The following PITRM1 variants were observed in gnomAD, a reference collection of about 807,000 sequenced individuals.
PITRM1 encodes pitrilysin metallopeptidase 1.
In PITRM1, 100 loss-of-function variants were observed where a neutral mutation model predicts 129.9. The observed-to-expected ratio is 0.77, with a 90% CI of 0.65 to 0.91. The LOEUF (loss-of-function observed/expected upper bound fraction) is 0.91. Among genes scored for constraint, PITRM1 ranks in the 40% least tolerant of loss-of-function variants. PITRM1 has a pLI of 0.00. For synonymous variants in PITRM1, 591 were observed against 508.8 expected (o/e 1.16, Z -2.17); for missense variants, 1,471 against 1,318.3 (o/e 1.12, Z -1.79).
chr10:3,159,952 A>C lies in PITRM1; in HGVS notation c.919-16T>G. 6.5e-7 allele frequency: 1 copy of C among 1,544,210 alleles called. No homozygotes were observed. The highest frequency in any genetic ancestry group is 8.9e-7 in the Non-Finnish European group (1 of 1,128,106). ...GGAATTCCCTCTGTAAAATGACGTG[A>C]CGTTGTGAGTAGGCACAGTGTCTGA... is the stretch of plus-strand genomic sequence containing the variant. On this transcript the variant is annotated splice_polypyrimidine_tract_variant and intron_variant, in intron 8 of 26. Coordinates refer to ENST00000224949, the MANE Select transcript of PITRM1 (RefSeq NM_014889.4).
chr10:3,158,064 T>G lies in PITRM1; in HGVS notation c.1226A>C (p.Asp409Ala). ...CTCAACTACTTCATCAATCGTTCTG[T>G]CTATGAGGCTTCTGACGGTCTCAAT... ...KDIETVRSLI[D>A]RTIDEVVEKG... is the part of the protein sequence containing the mutation. The change falls in exon 11 of 27, where the codon GAC becomes GCC. Residue 409 changes from aspartate to alanine, a missense_variant. Transcript: ENST00000224949. 6.2e-6 allele frequency: 10 copies of G among 1,607,602 alleles called. No homozygotes were observed. Among genetic ancestry groups the G allele is most frequent in the Non-Finnish European group, 8.5e-6 (10 of 1,173,962 alleles).
intron 9 of PITRM1, 39 bp downstream of exon 9, chr10:3,159,809 T>A: frequency 1.6e-6 from 2 of 1,212,658 alleles, no homozygotes; most frequent in Non-Finnish European, 2.4e-6. Context: ...ATTTTCCTCA[T>A]GTTTTTGTCT....
chr10:3,171,338 T>TTAA (rs1554804692), intron 1 of PITRM1, among the ~76,000 whole-genome samples: 102 of 142,480 alleles, frequency 7.2e-4, no homozygotes, highest in Admixed American at 1.8e-3. Context: ...GGTAAAATAT[T>TTAA]AAAAAAAAAA....
At chr10:3,161,138 C>T (rs1418600742) in intron 7 of PITRM1, among the ~76,000 whole-genome samples, 2 of 152,160 alleles carry the variant, frequency 1.3e-5, no homozygotes, top group African/African-American at 4.8e-5. Context: ...GCAATCCTCC[C>T]ATCTTGGCCT....
chr10:3,144,369 G>GA lies in PITRM1; in HGVS notation c.2458-4dup, dbSNP rs34414534. On this transcript the variant is annotated splice_polypyrimidine_tract_variant and splice_region_variant and intron_variant, in intron 21 of 26. Coordinates refer to ENST00000224949, the MANE Select transcript of PITRM1 (RefSeq NM_014889.4). Reference sequence around the variant, plus strand: ...CCAGAGCTGCTGGGCACAGGTTTCTGAAAATCAAGTTTCCAAGAGAAAAGA... The same window carrying GA: ...CCAGAGCTGCTGGGCACAGGTTTCTGAAAAATCAAGTTTCCAAGAGAAAAGA... 3.9e-6 allele frequency: 6 copies of GA among 1,544,002 alleles called. No homozygotes were observed. The highest frequency in any genetic ancestry group is 5.3e-6 in the Non-Finnish European group (6 of 1,140,016).
intron 14 of PITRM1, 143 bp downstream of exon 14, chr10:3,155,448 A>G (rs1039889574): frequency 3.2e-6 from 3 of 933,924 alleles, no homozygotes; most frequent in South Asian, 3.3e-5. Context: ...TCTGAACTCA[A>G]TGCATCGAAC....
In PITRM1 at chr10:3,138,036, G is replaced by C. The variant is rs201112796; in HGVS notation, c.3109C>G (p.Gln1037Glu). ...CAGTCGAGCGCCACGGCTGCTCATT[G>C]GATGATCCAGGATGGGTCCTTGGCA... is the stretch of plus-strand genomic sequence containing the variant. ...KIAKDPSWII[Q>E] is the part of the protein sequence containing the mutation. Residue 1037 changes from glutamine to glutamate, a missense_variant, in exon 27 of 27, where the codon CAA (glutamine) becomes GAA (glutamate). Coordinates refer to ENST00000224949, the MANE Select transcript of PITRM1 (RefSeq NM_014889.4). The C allele has an allele frequency of 1.9e-5, 31 of 1,599,414 alleles. No homozygotes were observed. The Admixed American group carries it at 5.3e-4, about 27-fold the overall frequency.
chr10:3,139,234 C>T (rs1839936429), intron 24 of PITRM1, among the ~76,000 whole-genome samples, 185 bp from the exon 25 acceptor site: 1 of 152,138 alleles, frequency 6.6e-6, no homozygotes, highest in African/African-American at 2.4e-5. Context: ...AATCTGATCA[C>T]ATAAGCCTTT....
In PITRM1 at chr10:3,163,798, G is replaced by A; in HGVS notation, c.718C>T (p.Leu240=). Residue 240 remains leucine, a synonymous_variant, in exon 7 of 27, where the codon CTG becomes TTG. Coordinates refer to ENST00000224949, the MANE Select transcript of PITRM1 (RefSeq NM_014889.4). ...TYSVVSGGDP[L]CIPELTWEQL... Reference sequence around the variant, plus strand: ...TCCCATGTAAGCTCCGGGATGCACAGTGGGTCACCCCCGGAGACCACTGAG... The same window carrying A: ...TCCCATGTAAGCTCCGGGATGCACAATGGGTCACCCCCGGAGACCACTGAG... 1 of 1,613,196 alleles carries A rather than the reference G, an allele frequency of 6.2e-7. No individual in the cohort carries two copies. The highest frequency in any genetic ancestry group is 8.5e-7 in the Non-Finnish European group (1 of 1,179,334).
At position 3,139,015 on chromosome 10, in the gene PITRM1, C is replaced by G. The variant is rs982151200; in HGVS notation, c.2806G>C (p.Gly936Arg). Reference sequence around the variant, plus strand: ...GACTTAGCCCAGTCGACAGCCTTCCCAAAAGACTGGAGCGTCTCTATTGTA... The same window carrying G: ...GACTTAGCCCAGTCGACAGCCTTCCGAAAAGACTGGAGCGTCTCTATTGTA... ...PNTIETLQSF[G>R]KAVDWAKSGK... The change falls in exon 25 of 27, where the codon GGG becomes CGG. Residue 936 changes from glycine (G) to arginine (R), a missense_variant. Coordinates refer to ENST00000224949, the MANE Select transcript of PITRM1 (RefSeq NM_014889.4). 6.8e-6 allele frequency: 11 copies of G among 1,613,812 alleles called. No individual in the cohort carries two copies. The African/African-American group carries it at 1.2e-4, about 18-fold the overall frequency.
chr10:3,157,424 A>G lies in PITRM1; in HGVS notation c.1347+11T>C, dbSNP rs1564417151. ...ATAAAACAAAAACAAAATTGTTGAG[A>G]GATCACTTACTGATGTCAGCATCAG... On this transcript the variant is annotated intron_variant, in intron 12 of 26. Transcript: ENST00000224949. 4 of 1,533,388 alleles carry G rather than the reference A, an allele frequency of 2.6e-6. No individual in the cohort carries two copies. Among genetic ancestry groups the G allele is most frequent in the Non-Finnish European group, 3.6e-6 (4 of 1,123,140 alleles). The allele number at this position is 1,533,388 out of a possible 1,614,324, so 95.0% of individuals were successfully genotyped here. A position where few individuals can be genotyped will look rare whatever the true frequency, so the allele number is the denominator to read the frequency against.
intron 19 of PITRM1, 40 bp downstream of exon 19, chr10:3,147,532 G>A: frequency 1.3e-6 from 2 of 1,594,480 alleles, no homozygotes; most frequent in Admixed American, 3.3e-5. Flanking sequence ...GGAATATGTG[G>A]CTAAACCGGA....
intron 1 of PITRM1, 114 bp downstream of exon 1, chr10:3,172,603 T>A: frequency 1.0e-6 from 1 of 979,122 alleles, no homozygotes. Flanking sequence ...GCCCACAGCT[T>A]GGGGAGCTGC....
chr10:3,140,575 GAAC>G (rs1389518562), intron 24 of PITRM1, 109 bp downstream of exon 24: 82 of 1,008,812 alleles, frequency 8.1e-5, no homozygotes, highest in Non-Finnish European at 1.1e-4. Flanking sequence ...GAAGCACACA[GAAC>G]AACTTTTGTC....
At chr10:3,144,001 AG>A in intron 22 of PITRM1, 1 of 555,372 alleles carries the variant, frequency 1.8e-6, no homozygotes, top group Non-Finnish European at 3.2e-6. Context: ...GTTGCCCGGG[AG>A]GAGACCACCC....
chr10:3,163,993 T>C (rs2132492642), intron 6 of PITRM1, 108 bp from the exon 7 acceptor site: 2 of 625,206 alleles, frequency 3.2e-6, no homozygotes, highest in Non-Finnish European at 5.0e-6. Context: ...ACACCTGTAA[T>C]ACTTTGCAAA....
chr10:3,138,166 CGTGAGCGCTGTT>C (rs1466388181), intron 26 of PITRM1, 42 bp from the exon 27 acceptor site: 1 of 1,570,034 alleles, frequency 6.4e-7, no homozygotes, highest in Non-Finnish European at 8.8e-7. Flanking sequence ...CTGGCTTCTG[CGTGAGCGCTGTT>C]AGAGTCAGCA....
At chr10:3,140,494 C>A (rs9423702) in intron 24 of PITRM1, among the ~76,000 whole-genome samples, 193 bp downstream of exon 24, 40,017 of 152,152 alleles carry the variant, frequency 0.26, 5,532 homozygotes, top group African/African-American at 0.33. Context: ...CTTCCTGTTT[C>A]GGCTGCTGGC....
rs1169749231 is a variant in PITRM1 at position 3,147,390 on chromosome 10, TGGGATGCAGGGTGGTACAAA to T, written c.2236-160_2236-141del. ...TGCACGGCTTGGGCAGGGCTGGAAC[TGGGATGCAGGGTGGTACAAA>T]GAGGAAGATGAGTCAAAACCAACCA... On this transcript the variant is annotated intron_variant, in intron 19 of 26. Transcript: ENST00000224949. The T allele has an allele frequency of 6.4e-6, 6 of 932,336 alleles. No homozygotes were observed. The African/African-American group carries it at 9.7e-5, about 15-fold the overall frequency. The allele number at this position is 932,336 out of a possible 1,614,324, so 57.8% of individuals were successfully genotyped here.
Sources: gnomAD v4.1 joint callset for allele counts (sites outside exome capture counted in the v4.1 genomes callset) on GRCh38, gnomAD v4.1.1 for gene constraint, MANE v1.5 for transcripts, NCBI Gene and HGNC (gene_info 2026-07-23, HGNC 2026-07-21) for gene names.